CLIP2: variants seen among roughly 807,000 people sequenced by gnomAD.
CLIP2 encodes the protein CAP-Gly domain containing linker protein 2.
A neutral mutation model predicts 111.7 loss-of-function variants in CLIP2; 41 were observed. The observed-to-expected ratio is 0.37, with a 90% CI of 0.29 to 0.48. The LOEUF (loss-of-function observed/expected upper bound fraction) is 0.48. CLIP2 is among the 20% of genes least tolerant of loss of function. The pLI is 0.99. For synonymous variants in CLIP2, 660 were observed against 644.2 expected, an observed-to-expected ratio of 1.02 and a Z score of -0.37; for missense variants, 1,160 against 1,422.1, an observed-to-expected ratio of 0.82 and a Z score of 2.96.
At chr7:74,402,601 A>G (rs1239723087) in intron 16 of CLIP2, among the ~76,000 whole-genome samples, 1 of 152,138 alleles carries the variant, frequency 6.6e-6, no homozygotes, top group Non-Finnish European at 1.5e-5. Flanking sequence ...CTAAGGCAAG[A>G]GGATCACTCA....
chr7:74,403,988 C>G lies in CLIP2; in HGVS notation c.*140C>G. The G allele has an allele frequency of 1.1e-6, 1 of 914,134 alleles. No homozygotes were observed. The highest frequency in any genetic ancestry group is 1.3e-5 in the South Asian group (1 of 75,922). 56.6% of individuals were successfully genotyped at this position (914,134 alleles called of 1,614,324 possible). ...TGTAACAATAACGTACTCACCGCCG[C>G]GGACAATCCCCCACCCCGATCCCTC... On this transcript the variant is annotated 3_prime_UTR_variant, in exon 17 of 17. Transcript: ENST00000223398.
intron 1 of CLIP2, among the ~76,000 whole-genome samples, chr7:74,310,554 C>G (rs937642904): frequency 3.3e-5 from 5 of 152,054 alleles, no homozygotes; most frequent in Admixed American, 1.3e-4. Flanking sequence ...TGAAAAACAG[C>G]TGCCCTACTT....
chr7:74,311,970 G>A (rs373664153), intron 1 of CLIP2, among the ~76,000 whole-genome samples: 51 of 151,780 alleles, frequency 3.4e-4, no homozygotes, highest in African/African-American at 1.2e-3. Context: ...GTCGGGCCAG[G>A]CATGATGGCT....
intron 6 of CLIP2, among the ~76,000 whole-genome samples, chr7:74,359,937 C>T (rs1460082173): frequency 5.3e-5 from 8 of 152,172 alleles, no homozygotes; most frequent in African/African-American, 1.9e-4. Context: ...TGGGTTGAGG[C>T]GGGAGGCAGG....
chr7:74,302,999 C>T (rs1458790190), intron 1 of CLIP2, among the ~76,000 whole-genome samples: 7 of 152,156 alleles, frequency 4.6e-5, no homozygotes, highest in Admixed American at 1.3e-4. Flanking sequence ...TGCAGCTCCC[C>T]GCAGGCCTGG....
intron 3 of CLIP2, among the ~76,000 whole-genome samples, chr7:74,341,496 C>G (rs1789657637): frequency 6.6e-6 from 1 of 152,098 alleles, no homozygotes; most frequent in Admixed American, 6.6e-5. Flanking sequence ...AGTTTAATAA[C>G]TTGTCTGAAG....
In CLIP2 at chr7:74,397,147, C is replaced by T. The variant is rs782760905; in HGVS notation, c.2794C>T (p.Arg932Cys). Residue 932 changes from arginine (R) to cysteine (C), a missense_variant, in exon 14 of 17, where the codon CGT becomes TGT. Physicochemically the swap from Arg to Cys is radical, Grantham distance 180. Coordinates refer to ENST00000223398, the MANE Select transcript of CLIP2 (RefSeq NM_003388.5). ...HSPGPERDLS[R>C]EVHKAEWRIK... ...CCCAGGGCCGGAGAGGGACCTGAGC[C>T]GTGAGGTACACAAGGCTGAGTGGCG... The T allele has an allele frequency of 3.7e-6, 6 of 1,613,770 alleles. No homozygotes were observed. The highest frequency in any genetic ancestry group is 2.2e-5 in the South Asian group (2 of 91,052).
chr7:74,376,714 G>A lies in CLIP2; in HGVS notation c.2313G>A (p.Arg771=). Residue 771 remains arginine (R), a synonymous_variant, in exon 10 of 17, where the codon CGG becomes CGA. Transcript: ENST00000223398. The surrounding 1 kb of genome is among the most constrained non-coding windows in gnomAD (Gnocchi z 7.1). ...KKMLDYERLQ[R]AEAQGKQEVE... is the part of the protein sequence containing the mutation. ...TGTTGGACTACGAGCGGCTGCAGCG[G>A]GCAGAAGCCCAGGGCAAACAGGAGG... The A allele has an allele frequency of 6.2e-7, 1 of 1,613,202 alleles. No individual in the cohort carries two copies. Among genetic ancestry groups the A allele is most frequent in the Non-Finnish European group, 8.5e-7 (1 of 1,179,800 alleles).
chr7:74,376,177 G>A lies in CLIP2; in HGVS notation c.1776G>A (p.Val592=), dbSNP rs1019892455. 1.2e-5 allele frequency: 20 copies of A among 1,611,926 alleles called. No individual in the cohort carries two copies. Among genetic ancestry groups the A allele is most frequent in the Non-Finnish European group, 1.7e-5 (20 of 1,179,080 alleles). ...CCAACGAGAAGTACGCACAGGAGGTGGCGGGCCTGAAGGACAAGGTTCAGC... is the reference window on the plus strand; with the variant it reads ...CCAACGAGAAGTACGCACAGGAGGTAGCGGGCCTGAAGGACAAGGTTCAGC... ...RAANEKYAQE[V]AGLKDKVQQA... Residue 592 remains valine (V), a synonymous_variant, in exon 10 of 17, where the codon GTG becomes GTA. Coordinates refer to ENST00000223398, the MANE Select transcript of CLIP2 (RefSeq NM_003388.5). The surrounding 1 kb of genome is among the most constrained non-coding windows in gnomAD (Gnocchi z 7.1).
intron 2 of CLIP2, among the ~76,000 whole-genome samples, chr7:74,335,724 CCTTT>C (rs1789433058): frequency 1.4e-5 from 2 of 146,294 alleles, no homozygotes; most frequent in African/African-American, 2.5e-5. Context: ...TTCCTTCCTT[CCTTT>C]CTTTCTTTTC....
intron 3 of CLIP2, among the ~76,000 whole-genome samples, chr7:74,353,227 T>C (rs1554307876): frequency 1.3e-5 from 2 of 151,118 alleles, no homozygotes; most frequent in Non-Finnish European, 2.9e-5. Flanking sequence ...ACACCGTATA[T>C]ACAGTACTTA....
intron 2 of CLIP2, among the ~76,000 whole-genome samples, chr7:74,334,888 C>T (rs943651815): frequency 3.3e-5 from 5 of 151,546 alleles, no homozygotes; most frequent in Admixed American, 2.0e-4. Context: ...CACTGGAGGC[C>T]GAGGCATGAG....
At chr7:74,346,737 A>C (rs1325714339) in intron 3 of CLIP2, among the ~76,000 whole-genome samples, 7 of 63,386 alleles carry the variant, frequency 1.1e-4, no homozygotes, top group East Asian at 6.1e-4. Flanking sequence ...AAAAAAAAAA[A>C]AAAAACAAAA....
chr7:74,367,933 G>A (rs1461073842), intron 8 of CLIP2, among the ~76,000 whole-genome samples: 1 of 151,790 alleles, frequency 6.6e-6, no homozygotes, highest in Non-Finnish European at 1.5e-5. Context: ...TTTTAAAAAT[G>A]CGGGCATGGT....
chr7:74,361,618 T>G (rs1190125966), intron 7 of CLIP2, among the ~76,000 whole-genome samples: 2 of 152,148 alleles, frequency 1.3e-5, no homozygotes, highest in African/African-American at 4.8e-5. Context: ...TCTGGGCTCA[T>G]GCGATCCTCC....
intron 3 of CLIP2, among the ~76,000 whole-genome samples, chr7:74,351,886 G>A (rs1790013070): frequency 6.6e-6 from 1 of 151,958 alleles, no homozygotes; most frequent in South Asian, 2.1e-4. Flanking sequence ...CCTAAAATAA[G>A]TAGTAAACCA....
At chr7:74,360,404 C>CAGTCCAGGGTGACA in intron 7 of CLIP2, 126 bp downstream of exon 7, 1 of 649,844 alleles carries the variant, frequency 1.5e-6, no homozygotes, top group Non-Finnish European at 2.7e-6. Context: ...GCTGTGTCAC[C>CAGTCCAGGGTGACA]CTGGACTGGT....
chr7:74,343,911 A>G (rs947806591), intron 3 of CLIP2, among the ~76,000 whole-genome samples: 1 of 151,444 alleles, frequency 6.6e-6, no homozygotes, highest in Non-Finnish European at 1.5e-5. Context: ...TTAAAAAAAA[A>G]AGAGAGAGAG....
At chr7:74,328,448 G>A (rs1269136231) in intron 2 of CLIP2, among the ~76,000 whole-genome samples, 1 of 152,178 alleles carries the variant, frequency 6.6e-6, no homozygotes, top group Non-Finnish European at 1.5e-5. Context: ...CAGGGGATGA[G>A]AGGGGAGTTG....
Sources: allele counts gnomAD v4.1 joint callset (sites outside exome capture counted in the v4.1 genomes callset), GRCh38; gene constraint gnomAD v4.1.1; non-coding constraint Gnocchi (gnomAD v3.1); transcripts MANE v1.5; gene names NCBI Gene and HGNC (gene_info 2026-07-23, HGNC 2026-07-21).